ZNF362: variants seen among roughly 807,000 people sequenced by gnomAD.
ZNF362 encodes zinc finger protein 362, also known as rotund homolog.
In ZNF362, 11 loss-of-function variants were observed where a neutral mutation model predicts 42.9. That is an observed-to-expected ratio of 0.26 (90% CI 0.16 to 0.42). The LOEUF is 0.42. ZNF362 is among the 20% of genes least tolerant of loss of function. The pLI is 1.00. For missense variants in ZNF362, 362 were observed against 576.2 expected (o/e 0.63, Z 3.81); for synonymous variants, 255 against 257.3 (o/e 0.99, Z 0.09).
intron 1 of ZNF362, among the ~76,000 whole-genome samples, chr1:33,268,957 C>G (rs988189705): frequency 2.6e-5 from 4 of 152,194 alleles, no homozygotes; most frequent in African/African-American, 7.2e-5. Context: ...CAGGCTCTTA[C>G]AACAGCTGAG....
intron 6 of ZNF362, among the ~76,000 whole-genome samples, chr1:33,289,147 A>G (rs1020383982): frequency 6.6e-6 from 1 of 152,110 alleles, no homozygotes; most frequent in Non-Finnish European, 1.5e-5. Context: ...TGGGTTGAGT[A>G]CAGAGGGGTC....
At chr1:33,251,203 C>T in the ZNF362 span, among the ~76,000 whole-genome samples, 1 of 152,238 alleles carries the variant, frequency 6.6e-6, no homozygotes, top group East Asian at 1.9e-4. Context: ...GGTCAAGGTC[C>T]CATGGTGAAC....
At chr1:33,181,275 C>G in the ZNF362 span, 1 of 1,547,620 alleles carries the variant, frequency 6.5e-7, no homozygotes, top group South Asian at 1.2e-5. The surrounding 1 kb of genome is among the most constrained non-coding windows in gnomAD (Gnocchi z 6.5). Flanking sequence ...CGTGCGCCGG[C>G]ACTCGGGGCA....
rs1645987483 is a variant in ZNF362, at chr1:33,280,771, T to C, written c.683+314T>C. On this transcript the variant is annotated intron_variant, in intron 5 of 8. Transcript: ENST00000539719. The surrounding 1 kb of genome is among the most constrained non-coding windows in gnomAD (Gnocchi z 5.6). ...GCAGTGTTCTCAACCCTGGCCACCT[T>C]AGAATCACCTGAAGAGGCCGTGCAC... 6.6e-6 allele frequency among the ~76,000 whole-genome samples: 1 copy of C among 152,074 alleles called. No individual in the cohort carries two copies. Among genetic ancestry groups the C allele is most frequent in the Non-Finnish European group, 1.5e-5 (1 of 68,004 alleles).
At chr1:33,243,740 G>A in the ZNF362 span, among the ~76,000 whole-genome samples, 1 of 151,024 alleles carries the variant, frequency 6.6e-6, no homozygotes, top group East Asian at 1.9e-4. Context: ...GGGACTACAG[G>A]CGCCCACCAC....
chr1:33,138,991 G>T, the ZNF362 span, among the ~76,000 whole-genome samples: 1 of 152,202 alleles, frequency 6.6e-6, no homozygotes, highest in Non-Finnish European at 1.5e-5. Flanking sequence ...TTGTTTATGT[G>T]TAAGCAAAAA....
At chr1:33,298,223 A>G (rs1646138893) in intron 8 of ZNF362, among the ~76,000 whole-genome samples, 1 of 152,128 alleles carries the variant, frequency 6.6e-6, no homozygotes, top group Admixed American at 6.6e-5. Flanking sequence ...GATAGTACCC[A>G]CCTGTAGTCC....
chr1:33,181,501 G>T, the ZNF362 span: 1 of 1,491,056 alleles, frequency 6.7e-7, no homozygotes, highest in Non-Finnish European at 8.8e-7. The surrounding 1 kb of genome is among the most constrained non-coding windows in gnomAD (Gnocchi z 6.5). Flanking sequence ...GGCGCTGTCG[G>T]AGGCAGCACC....
At chr1:33,295,882 T>C (rs1247110365) in intron 8 of ZNF362, among the ~76,000 whole-genome samples, 1 of 152,174 alleles carries the variant, frequency 6.6e-6, no homozygotes, top group Non-Finnish European at 1.5e-5. Flanking sequence ...ATCCCCGACA[T>C]AGAGGTCACT....
the ZNF362 span, among the ~76,000 whole-genome samples, chr1:33,157,697 G>A: frequency 6.6e-6 from 1 of 151,784 alleles, no homozygotes; most frequent in South Asian, 2.1e-4. Context: ...AAGTGTCCAG[G>A]CCTCAGTCAT....
chr1:33,245,044 G>T, the ZNF362 span, among the ~76,000 whole-genome samples: 12 of 152,122 alleles, frequency 7.9e-5, no homozygotes, highest in Admixed American at 5.2e-4. Context: ...CAGGCTGCCA[G>T]GACTCCTGGG....
chr1:33,257,376 A>C (rs1483041659), intron 1 of ZNF362, among the ~76,000 whole-genome samples: 1 of 149,640 alleles, frequency 6.7e-6, no homozygotes, highest in Non-Finnish European at 1.5e-5. Context: ...GGGAATTTAA[A>C]GTTAACTCCG....
the ZNF362 span, among the ~76,000 whole-genome samples, chr1:33,208,263 C>G: frequency 5.9e-3 from 891 of 152,138 alleles, 9 homozygotes; most frequent in African/African-American, 0.02. Flanking sequence ...ATTTCTGTGG[C>G]CTCTGTTCTG....
the ZNF362 span, among the ~76,000 whole-genome samples, chr1:33,234,033 T>A: frequency 1.3e-5 from 2 of 152,232 alleles, no homozygotes; most frequent in African/African-American, 4.8e-5. Flanking sequence ...ATCTCATCTA[T>A]TTTTATGATT....
the ZNF362 span, among the ~76,000 whole-genome samples, chr1:33,154,667 G>A: frequency 2.6e-5 from 4 of 151,322 alleles, no homozygotes; most frequent in Admixed American, 1.3e-4. Flanking sequence ...GTGCAGTGGC[G>A]TGTGCCTGTA....
chr1:33,176,302 C>G, the ZNF362 span: 1 of 586,596 alleles, frequency 1.7e-6, no homozygotes, highest in Non-Finnish European at 3.2e-6. Context: ...GAGGGTGTCA[C>G]CCCCTCTCCT....
chr1:33,226,677 C>T, the ZNF362 span, among the ~76,000 whole-genome samples: 6 of 152,158 alleles, frequency 3.9e-5, no homozygotes, highest in African/African-American at 1.4e-4. Context: ...CCAGCCTGGC[C>T]AACATGGTGA....
the ZNF362 span, among the ~76,000 whole-genome samples, chr1:33,236,356 A>G: frequency 3.3e-5 from 5 of 150,578 alleles, no homozygotes; most frequent in Non-Finnish European, 7.4e-5. Context: ...CCAGGACAAC[A>G]TAGTGAGATC....
chr1:33,127,625 C>A, the ZNF362 span, among the ~76,000 whole-genome samples: 6 of 152,230 alleles, frequency 3.9e-5, no homozygotes, highest in Non-Finnish European at 7.3e-5. Context: ...GCATCAGCTA[C>A]TTTCGCTTCT....
Sources: allele counts gnomAD v4.1 joint callset (sites outside exome capture counted in the v4.1 genomes callset), GRCh38; gene constraint gnomAD v4.1.1; non-coding constraint Gnocchi (gnomAD v3.1); transcripts MANE v1.5; gene names NCBI Gene and HGNC (gene_info 2026-07-23, HGNC 2026-07-21).